FLOT1: variants seen among roughly 807,000 people sequenced by gnomAD.
FLOT1 encodes flotillin-1.
Under a neutral mutation model 58.4 loss-of-function variants are expected in FLOT1, and 40 were observed. That is an observed-to-expected ratio of 0.69 (90% CI 0.53 to 0.89). The LOEUF (loss-of-function observed/expected upper bound fraction) is 0.89, where lower values mean the gene tolerates loss of function less well. Among genes scored for constraint, FLOT1 ranks in the 40% least tolerant of loss-of-function variants. The pLI is 0.00. For synonymous variants in FLOT1, 178 were observed against 204.2 expected (o/e 0.87, Z 1.09); for missense variants, 423 against 540.8 (o/e 0.78, Z 2.16).
intron 8 of FLOT1, among the ~76,000 whole-genome samples, chr6:30,735,587 G>A (rs1440258563): frequency 2.2e-5 from 3 of 138,354 alleles, no homozygotes; most frequent in Admixed American, 7.0e-5. Context: ...CCGAGACTGC[G>A]CCACTGCACC....
rs750699642 is a variant in FLOT1 at position 30,730,918 on chromosome 6, C to T, written c.905+1G>A. 1.9e-6 allele frequency: 3 copies of T among 1,610,262 alleles called. No homozygotes were observed. The highest frequency in any genetic ancestry group is 2.5e-6 in the Non-Finnish European group (3 of 1,177,456). ...GGCAGGGTCAGGGAGGGGACATTTA[C>T]TTCTCTGCCTCGGCTAGGCGCTCCA... On this transcript the variant is annotated splice_donor_variant, in intron 9 of 12. Transcript: ENST00000376389. LOFTEE classifies it high-confidence loss of function.
In FLOT1 at chr6:30,730,992, C is replaced by G. The variant is rs1777143515; in HGVS notation, c.832G>C (p.Glu278Gln). Reference protein sequence around the residue: ...QEQEIARREKELEARVRKPAE... With the variant: ...QEQEIARREKQLEARVRKPAE... ...GGCTTCCGCACCCGGGCCTCCAGCT[C>G]CTTCTCCCGCCGGGCGATCTCCTGC... Residue 278 changes from glutamate (E) to glutamine (Q), a missense_variant, in exon 9 of 13, where the codon GAG becomes CAG. Transcript: ENST00000376389. The G allele has an allele frequency of 6.2e-7, 1 of 1,613,896 alleles. No homozygotes were observed. The highest frequency in any genetic ancestry group is 8.5e-7 in the Non-Finnish European group (1 of 1,180,002).
intron 9 of FLOT1, 54 bp downstream of exon 9, chr6:30,730,865 T>C: frequency 6.3e-7 from 1 of 1,598,422 alleles, no homozygotes; most frequent in Admixed American, 1.7e-5. Flanking sequence ...GCACTCCATC[T>C]TGGGGTGCCT....
rs1374401196 is a variant in FLOT1 at position 30,740,284 on chromosome 6, C to T, written c.597G>A (p.Val199=). 1.9e-6 allele frequency: 3 copies of T among 1,612,932 alleles called. No individual in the cohort carries two copies. Among genetic ancestry groups the T allele is most frequent in the Non-Finnish European group, 2.5e-6 (3 of 1,180,038 alleles). ...CGATCTCACTCAGGTACTGAGCAGA[C>T]ACCTTTTCCTGCTTGGCTTTAGCTT... The part of the protein sequence containing the change: ...IREAKAKQEK[V]SAQYLSEIEM... Residue 199 remains valine (V), a synonymous_variant, in exon 8 of 13, where the codon GTG becomes GTA. Coordinates refer to ENST00000376389, the MANE Select transcript of FLOT1 (RefSeq NM_005803.4).
intron 5 of FLOT1, 133 bp from the exon 6 acceptor site, chr6:30,740,931 C>T (rs1316154925): frequency 3.9e-6 from 5 of 1,297,248 alleles, no homozygotes; most frequent in Non-Finnish European, 5.2e-6. Flanking sequence ...GGATTACCGA[C>T]ACCCATCACC....
intron 8 of FLOT1, among the ~76,000 whole-genome samples, chr6:30,732,666 C>T (rs1173519455): frequency 3.9e-5 from 6 of 152,206 alleles, no homozygotes; most frequent in South Asian, 2.1e-4. Flanking sequence ...CACATGCCTT[C>T]GTTGTCCCAT....
chr6:30,738,524 G>A (rs1247429370), intron 8 of FLOT1, among the ~76,000 whole-genome samples: 7 of 152,120 alleles, frequency 4.6e-5, no homozygotes, highest in Non-Finnish European at 1.0e-4. Flanking sequence ...GTTCCTAGAA[G>A]AAATACAGGC....
Position 30,740,517 on chromosome 6 carries a change from G to C in FLOT1, c.549C>G (p.Ala183=). Reference sequence around the variant, plus strand: ...TCACCCGGATCCCAGCATCTCTCTTGGCCTCTGCTTCTCCAATCCGTGCAT... The same window carrying C: ...TCACCCGGATCCCAGCATCTCTCTTCGCCTCTGCTTCTCCAATCCGTGCAT... The part of the protein sequence containing the change: ...QKDARIGEAE[A]KRDAGIREAK... The change falls in exon 7 of 13, where the codon GCC becomes GCG. Residue 183 remains alanine, a synonymous_variant. Coordinates refer to ENST00000376389, the MANE Select transcript of FLOT1 (RefSeq NM_005803.4). The C allele has an allele frequency of 6.2e-7, 1 of 1,612,792 alleles. No individual in the cohort carries two copies. Among genetic ancestry groups the C allele is most frequent in the Middle Eastern group, 1.7e-4 (1 of 5,938 alleles).
rs945873069 is a variant in FLOT1 at position 30,741,775 on chromosome 6, G to T, written c.119+17C>A. 1 of 1,612,462 alleles carries T rather than the reference G, an allele frequency of 6.2e-7. No homozygotes were observed. Among genetic ancestry groups the T allele is most frequent in the Non-Finnish European group, 8.5e-7 (1 of 1,179,478 alleles). Reference sequence around the variant, plus strand: ...AGAAAACGGAGGTCCCCCTTCCCTGGTTCCCTTCTTGCCTACCTCTGGATC... The same window carrying T: ...AGAAAACGGAGGTCCCCCTTCCCTGTTTCCCTTCTTGCCTACCTCTGGATC... On this transcript the variant is annotated intron_variant, in intron 3 of 12. Coordinates refer to ENST00000376389, the MANE Select transcript of FLOT1 (RefSeq NM_005803.4). This position sits in a 1 kb window ranked among gnomAD's most constrained non-coding sequence, Gnocchi z 5.9.
chr6:30,742,290 G>A lies in FLOT1; in HGVS notation c.-14-87C>T. ...GCCCATCCTTTCCCTTTCCCGTCAGGCCCTCCCAGTCTGCATCCGCCACGG... is the reference window on the plus strand; with the variant it reads ...GCCCATCCTTTCCCTTTCCCGTCAGACCCTCCCAGTCTGCATCCGCCACGG... On this transcript the variant is annotated intron_variant, in intron 1 of 12. Transcript: ENST00000376389. This position sits in a 1 kb window ranked among gnomAD's most constrained non-coding sequence, Gnocchi z 5.2. 1 of 1,170,120 alleles carries A rather than the reference G, an allele frequency of 8.5e-7. No homozygotes were observed. Among genetic ancestry groups the A allele is most frequent in the South Asian group, 1.2e-5 (1 of 81,604 alleles). 72.5% of individuals were successfully genotyped at this position (1,170,120 alleles called of 1,614,324 possible).
chr6:30,740,608 G>T lies in FLOT1; in HGVS notation c.475-17C>A. 6.2e-7 allele frequency: 1 copy of T among 1,613,012 alleles called. No homozygotes were observed. Among genetic ancestry groups the T allele is most frequent in the Non-Finnish European group, 8.5e-7 (1 of 1,180,008 alleles). ...CAAATAGTCCTGTGGGAGAGATGTA[G>T]AAATTAGTCCTTTGGAGGGCTTAAG... On this transcript the variant is annotated splice_polypyrimidine_tract_variant and intron_variant, in intron 6 of 12. Transcript: ENST00000376389.
chr6:30,730,831 G>A (rs1190275867), intron 9 of FLOT1, 88 bp downstream of exon 9: 1 of 1,603,366 alleles, frequency 6.2e-7, no homozygotes, highest in Non-Finnish European at 8.5e-7. Flanking sequence ...GAAATCCATA[G>A]GAGTCCAGGT....
chr6:30,730,601 T>C, intron 10 of FLOT1, 36 bp from the exon 11 acceptor site: 1 of 1,613,622 alleles, frequency 6.2e-7, no homozygotes, highest in Non-Finnish European at 8.5e-7. Context: ...TTGACGGAAA[T>C]CATTAAGAAC....
chr6:30,741,767 C>A lies in FLOT1; in HGVS notation c.119+25G>T. 1 of 1,612,190 alleles carries A rather than the reference C, an allele frequency of 6.2e-7. No homozygotes were observed. The highest frequency in any genetic ancestry group is 1.3e-5 in the African/African-American group (1 of 75,038). Reference sequence around the variant, plus strand: ...GGAAAAAGAGAAAACGGAGGTCCCCCTTCCCTGGTTCCCTTCTTGCCTACC... The same window carrying A: ...GGAAAAAGAGAAAACGGAGGTCCCCATTCCCTGGTTCCCTTCTTGCCTACC... On this transcript the variant is annotated intron_variant, in intron 3 of 12. Transcript: ENST00000376389. The surrounding 1 kb of genome is among the most constrained non-coding windows in gnomAD (Gnocchi z 5.9).
chr6:30,732,743 C>A (rs992591499), intron 8 of FLOT1, among the ~76,000 whole-genome samples: 1 of 152,186 alleles, frequency 6.6e-6, no homozygotes, highest in Non-Finnish European at 1.5e-5. Context: ...CTTCCCCTGC[C>A]TCCTACCTTC....
chr6:30,740,274 A>C lies in FLOT1; in HGVS notation c.607T>G (p.Tyr203Asp). Reference sequence around the variant, plus strand: ...TTGGCCATCTCGATCTCACTCAGGTACTGAGCAGACACCTTTTCCTGCTTG... The same window carrying C: ...TTGGCCATCTCGATCTCACTCAGGTCCTGAGCAGACACCTTTTCCTGCTTG... ...KAKQEKVSAQYLSEIEMAKAQ... is the reference protein window; with the variant it reads ...KAKQEKVSAQDLSEIEMAKAQ... The change falls in exon 8 of 13, where the codon TAC (tyrosine) becomes GAC (aspartate). Residue 203 changes from tyrosine (Y) to aspartate (D), a missense_variant. Physicochemically the swap from Tyr to Asp is radical, Grantham distance 160. Transcript: ENST00000376389. 1 of 1,613,042 alleles carries C rather than the reference A, an allele frequency of 6.2e-7. No individual in the cohort carries two copies. The highest frequency in any genetic ancestry group is 8.5e-7 in the Non-Finnish European group (1 of 1,180,036).
rs930980864 is a variant in FLOT1 at position 30,742,291 on chromosome 6, C to A, written c.-14-88G>T. The A allele has an allele frequency of 1.7e-6, 2 of 1,146,424 alleles. No homozygotes were observed. The highest frequency in any genetic ancestry group is 2.6e-6 in the Non-Finnish European group (2 of 758,008). 71.0% of individuals were successfully genotyped at this position (1,146,424 alleles called of 1,614,324 possible). A position where few individuals can be genotyped will look rare whatever the true frequency, so the allele number is the denominator to read the frequency against. The stretch of plus-strand genomic sequence containing the variant: ...CCCATCCTTTCCCTTTCCCGTCAGG[C>A]CCTCCCAGTCTGCATCCGCCACGGC... On this transcript the variant is annotated intron_variant, in intron 1 of 12. Coordinates refer to ENST00000376389, the MANE Select transcript of FLOT1 (RefSeq NM_005803.4). The surrounding 1 kb of genome is among the most constrained non-coding windows in gnomAD (Gnocchi z 5.2).
rs763008579 is a variant in FLOT1, at chr6:30,740,190, G to A, written c.691C>T (p.Arg231Ter). Residue 231 changes from arginine to a stop codon, truncating the protein, a stop_gained, in exon 8 of 13, where the codon CGA becomes TGA. Coordinates refer to ENST00000376389, the MANE Select transcript of FLOT1 (RefSeq NM_005803.4). LOFTEE classifies it high-confidence loss of function. ...TGATAGGCCAGGTCAGCCTGTGCTC[G>A]GCGGGTGTTGACCTCGATGTCATAG... Reference protein sequence around the residue: ...AAYDIEVNTRRAQADLAYQLQ... With the variant: ...AAYDIEVNTR 11 of 1,612,952 alleles carry A rather than the reference G, an allele frequency of 6.8e-6. No individual in the cohort carries two copies. The highest frequency in any genetic ancestry group is 1.6e-4 in the Middle Eastern group (1 of 6,084).
intron 8 of FLOT1, among the ~76,000 whole-genome samples, chr6:30,731,485 CAAAAAAAAAAAA>C (rs35667527): frequency 2.4e-5 from 2 of 83,788 alleles, no homozygotes; most frequent in African/African-American, 9.6e-5. Flanking sequence ...ACTCCATCTC[CAAAAAAAAAAAA>C]AAAAAAAAAG....
Sources: gnomAD v4.1 joint callset for allele counts (sites outside exome capture counted in the v4.1 genomes callset) on GRCh38, gnomAD v4.1.1 for gene constraint, Gnocchi (gnomAD v3.1) non-coding constraint, MANE v1.5 for transcripts, NCBI Gene and HGNC (gene_info 2026-07-23, HGNC 2026-07-21) for gene names.